The following ZBTB16 variants were observed in gnomAD, a reference collection of about 807,000 sequenced individuals.
ZBTB16 encodes the protein zinc finger and BTB domain containing 16, also known as zinc finger and BTB domain-containing protein 16.
ZBTB16 carries 8 observed loss-of-function variants against 56.8 expected under a neutral mutation model. That is an observed-to-expected ratio of 0.14 (90% CI 0.08 to 0.25). The LOEUF is 0.25. ZBTB16 is among the 10% of genes least tolerant of loss of function. The probability of loss-of-function intolerance (pLI) is 1.00; values close to 1 mark genes in which losing one functional copy is unlikely to be tolerated. For missense variants in ZBTB16, 625 were observed against 903.0 expected, an observed-to-expected ratio of 0.69 and a Z score of 3.95; for synonymous variants, 363 against 368.5, an observed-to-expected ratio of 0.98 and a Z score of 0.17.
At chr11:114,088,844 A>G (rs1194753207) in intron 2 of ZBTB16, among the ~76,000 whole-genome samples, 1 of 152,102 alleles carries the variant, frequency 6.6e-6, no homozygotes, top group Non-Finnish European at 1.5e-5. Context: ...CCTAATTGGC[A>G]TCTTTATTGT....
chr11:114,155,800 G>A (rs924690871), intron 2 of ZBTB16, among the ~76,000 whole-genome samples: 10 of 152,194 alleles, frequency 6.6e-5, no homozygotes, highest in Admixed American at 2.6e-4. Context: ...AGTATCTTAT[G>A]TCTATAAGGG....
chr11:114,232,410 CGAGGAAAACA>C (rs1944457236), intron 4 of ZBTB16, among the ~76,000 whole-genome samples: 1 of 152,124 alleles, frequency 6.6e-6, no homozygotes, highest in Non-Finnish European at 1.5e-5. Flanking sequence ...GTAGAGAAAC[CGAGGAAAACA>C]GTTCTCTGCA....
chr11:114,129,019 C>T (rs1352355732), intron 2 of ZBTB16, among the ~76,000 whole-genome samples: 4 of 152,152 alleles, frequency 2.6e-5, no homozygotes, highest in Non-Finnish European at 5.9e-5. Context: ...TCCCCATGTG[C>T]GTTCAGGTGC....
Position 114,130,422 on chromosome 11 carries a change from A to T in ZBTB16, c.1269-25915A>T, listed in dbSNP as rs925906032. ...TATTTCAGGTTAGTTGAGACGTGGC[A>T]CTTGTGAATCTAGGACTGATGCTGT... On this transcript the variant is annotated intron_variant, in intron 2 of 6. Transcript: ENST00000335953. Among the ~76,000 whole-genome samples the T allele has an allele frequency of 2.0e-5, 3 of 152,206 alleles. No homozygotes were observed. In the East Asian group the frequency reaches 5.8e-4, roughly 29 times the overall value.
chr11:114,072,346 C>T (rs112291418), intron 2 of ZBTB16, among the ~76,000 whole-genome samples: 1,560 of 152,320 alleles, frequency 0.01, 24 homozygotes, highest in African/African-American at 0.035. Flanking sequence ...TTCCAGTTCT[C>T]GTTTAAATTT....
chr11:114,217,265 A>G (rs925387276), intron 4 of ZBTB16, among the ~76,000 whole-genome samples: 1 of 152,200 alleles, frequency 6.6e-6, no homozygotes, highest in Admixed American at 6.5e-5. Context: ...GGAAGCCTTT[A>G]AAAAGGAAGT....
At chr11:114,191,618 G>A (rs487690) in intron 4 of ZBTB16, among the ~76,000 whole-genome samples, 88,945 of 152,026 alleles carry the variant, frequency 0.59, 26,526 homozygotes, top group African/African-American at 0.68. Flanking sequence ...AGTGTTGTCC[G>A]TGGGCTAAAA....
intron 5 of ZBTB16, among the ~76,000 whole-genome samples, chr11:114,243,275 T>C (rs547401152): frequency 3.3e-5 from 5 of 152,336 alleles, no homozygotes; most frequent in South Asian, 4.1e-4. Flanking sequence ...GAGCGTATAC[T>C]TGTAAAAACC....
In ZBTB16 at chr11:114,254,582, C is replaced by T. The variant is rs1471415227; in HGVS notation, c.*4027C>T. Among the ~76,000 whole-genome samples the T allele has an allele frequency of 6.6e-6, 1 of 152,070 alleles. No homozygotes were observed. Among genetic ancestry groups the T allele is most frequent in the Non-Finnish European group, 1.5e-5 (1 of 68,002 alleles). On this transcript the variant is annotated 3_prime_UTR_variant, in exon 7 of 7. Coordinates refer to ENST00000335953, the MANE Select transcript of ZBTB16 (RefSeq NM_006006.6). ...TGGCAGGGTCAGGGTAGTTTCTGGG[C>T]CTGCTTCCCGGCAAGCCGAGCTAGG...
intron 4 of ZBTB16, among the ~76,000 whole-genome samples, chr11:114,222,687 T>C (rs1299430668): frequency 6.6e-6 from 1 of 152,224 alleles, no homozygotes; most frequent in African/African-American, 2.4e-5. Context: ...AGCCCCTTTT[T>C]ATTTTCCTAG....
chr11:114,224,280 A>G (rs560813985), intron 4 of ZBTB16, among the ~76,000 whole-genome samples: 22 of 152,380 alleles, frequency 1.4e-4, no homozygotes, highest in African/African-American at 5.3e-4. Flanking sequence ...TAGAAATCCG[A>G]AAACATTTGG....
chr11:114,101,363 A>G (rs1940603477), intron 2 of ZBTB16, among the ~76,000 whole-genome samples: 1 of 152,112 alleles, frequency 6.6e-6, no homozygotes, highest in Non-Finnish European at 1.5e-5. Flanking sequence ...CTATAAAGTA[A>G]TTTAGAATAC....
intron 2 of ZBTB16, among the ~76,000 whole-genome samples, chr11:114,069,451 G>A (rs540159257): frequency 5.3e-5 from 8 of 152,336 alleles, no homozygotes; most frequent in East Asian, 1.9e-4. Context: ...TTCTGGATCC[G>A]TGTGTACAGC....
At chr11:114,195,379 G>T (rs1472053675) in intron 4 of ZBTB16, among the ~76,000 whole-genome samples, 1 of 152,166 alleles carries the variant, frequency 6.6e-6, no homozygotes, top group Non-Finnish European at 1.5e-5. Context: ...TTGGGGCCAG[G>T]GCTGGTCTGT....
chr11:114,085,282 A>C (rs1287312859), intron 2 of ZBTB16, among the ~76,000 whole-genome samples: 1 of 152,200 alleles, frequency 6.6e-6, no homozygotes, highest in East Asian at 1.9e-4. Flanking sequence ...TTCATTTAAG[A>C]ACGTTAATGA....
intron 4 of ZBTB16, among the ~76,000 whole-genome samples, chr11:114,201,847 A>G (rs1190192440): frequency 1.3e-5 from 2 of 152,258 alleles, no homozygotes; most frequent in Non-Finnish European, 2.9e-5. Context: ...AATAATAATG[A>G]TGATTTACAA....
In ZBTB16 at chr11:114,242,351, G is replaced by T; in HGVS notation, c.1624+14G>T. ...GCTCACATACAGGTAGGTCAGTCCA[G>T]CTGATGGGTGGATCTGGGTCTCTGG... is the stretch of plus-strand genomic sequence containing the variant. On this transcript the variant is annotated intron_variant, in intron 5 of 6. Transcript: ENST00000335953. 6.2e-7 allele frequency: 1 copy of T among 1,612,434 alleles called. No homozygotes were observed. Among genetic ancestry groups the T allele is most frequent in the Non-Finnish European group, 8.5e-7 (1 of 1,179,970 alleles).
chr11:114,177,423 T>C (rs942299578), intron 3 of ZBTB16, among the ~76,000 whole-genome samples: 4 of 152,162 alleles, frequency 2.6e-5, no homozygotes, highest in Admixed American at 1.3e-4. Context: ...GCTAATTTTG[T>C]ATTTTTAGTA....
At chr11:114,160,316 C>T (rs555793100) in intron 3 of ZBTB16, among the ~76,000 whole-genome samples, 2 of 152,196 alleles carry the variant, frequency 1.3e-5, no homozygotes, top group East Asian at 1.9e-4. Context: ...AGAGTTTCTC[C>T]GATGCTTGAG....
Sources: gnomAD v4.1 joint callset for allele counts (sites outside exome capture counted in the v4.1 genomes callset) on GRCh38, gnomAD v4.1.1 for gene constraint, MANE v1.5 for transcripts, NCBI Gene and HGNC (gene_info 2026-07-23, HGNC 2026-07-21) for gene names.